GRIK4: variants seen among roughly 807,000 people sequenced by gnomAD.
GRIK4 encodes the protein glutamate receptor ionotropic, kainate 4.
GRIK4 carries 40 observed loss-of-function variants against 104.9 expected under a neutral mutation model. The ratio of observed to expected loss-of-function variants is 0.38; its 90% CI spans 0.30 to 0.50. The LOEUF (loss-of-function observed/expected upper bound fraction) is 0.50, where lower values mean the gene tolerates loss of function less well. Ranked by LOEUF, GRIK4 falls within the 20% of genes least tolerant of loss-of-function variation. The pLI, the probability that GRIK4 is intolerant of heterozygous loss-of-function variation, is 0.93. For synonymous variants in GRIK4, 485 were observed against 524.9 expected (o/e 0.92, Z 1.04); for missense variants, 1,047 against 1,308.1 (o/e 0.80, Z 3.08).
At chr11:120,934,915 C>T (rs1400387188) in intron 13 of GRIK4, among the ~76,000 whole-genome samples, 1 of 152,120 alleles carries the variant, frequency 6.6e-6, no homozygotes, top group African/African-American at 2.4e-5. Context: ...GTTTTCCATC[C>T]CCCCTGGGTT....
At chr11:120,842,883 G>A (rs1953752217) in intron 8 of GRIK4, among the ~76,000 whole-genome samples, 1 of 152,256 alleles carries the variant, frequency 6.6e-6, no homozygotes, top group South Asian at 2.1e-4. Context: ...TGCCGTAAGA[G>A]AAGAGATGAA....
intron 3 of GRIK4, among the ~76,000 whole-genome samples, chr11:120,764,016 G>A (rs754912733): frequency 7.9e-5 from 12 of 152,082 alleles, no homozygotes; most frequent in South Asian, 2.1e-4. Context: ...TTTCTGTCTC[G>A]TTGATCTGTC....
intron 1 of GRIK4, among the ~76,000 whole-genome samples, chr11:120,556,609 G>C (rs141714182): frequency 1.3e-3 from 192 of 152,114 alleles, no homozygotes; most frequent in Middle Eastern, 3.4e-3. Context: ...CGGCCCACCT[G>C]ATCTCTCTAA....
At chr11:120,831,349 C>T (rs1011573549) in intron 6 of GRIK4, among the ~76,000 whole-genome samples, 15 of 152,350 alleles carry the variant, frequency 9.8e-5, no homozygotes, top group African/African-American at 1.7e-4. Flanking sequence ...GCCCTTCACA[C>T]GTGGCCTCTT....
intron 3 of GRIK4, among the ~76,000 whole-genome samples, chr11:120,726,358 G>A (rs962632622): frequency 6.6e-6 from 1 of 152,218 alleles, no homozygotes; most frequent in Non-Finnish European, 1.5e-5. Context: ...CTGCCCTGCA[G>A]GGAGAATAGA....
chr11:120,599,099 G>A (rs2135126209), intron 1 of GRIK4, among the ~76,000 whole-genome samples: 1 of 152,342 alleles, frequency 6.6e-6, no homozygotes, highest in African/African-American at 2.4e-5. Context: ...GGTGTGGAGA[G>A]GGGGCTTACT....
intron 1 of GRIK4, among the ~76,000 whole-genome samples, chr11:120,567,449 T>C (rs1044119066): frequency 1.3e-5 from 2 of 152,098 alleles, no homozygotes; most frequent in African/African-American, 4.8e-5. Flanking sequence ...GTGAGGCATC[T>C]CCCCAGCCTT....
At chr11:120,532,038 G>A (rs951246980) in intron 1 of GRIK4, among the ~76,000 whole-genome samples, 3 of 152,198 alleles carry the variant, frequency 2.0e-5, no homozygotes, top group African/African-American at 7.2e-5. Flanking sequence ...ATGTGGGGCA[G>A]GTGGAAGGTC....
intron 6 of GRIK4, among the ~76,000 whole-genome samples, chr11:120,820,826 G>A (rs186755675): frequency 2.4e-3 from 372 of 152,314 alleles, no homozygotes; most frequent in Non-Finnish European, 4.2e-3. Context: ...AAATACAAAA[G>A]CCACCTCTCT....
At chr11:120,602,680 C>G (rs1467234016) in intron 1 of GRIK4, among the ~76,000 whole-genome samples, 2 of 152,156 alleles carry the variant, frequency 1.3e-5, no homozygotes, top group African/African-American at 4.8e-5. Context: ...CCTTAGTTTT[C>G]TGGCTGCATT....
rs552098242 is a variant in GRIK4 at position 120,940,551 on chromosome 11, A to G, written c.1590+91A>G. The G allele has an allele frequency of 2.6e-6, 2 of 756,212 alleles. No homozygotes were observed. The highest frequency in any genetic ancestry group is 2.6e-5 in the Admixed American group (1 of 39,124). 46.8% of individuals were successfully genotyped at this position (756,212 alleles called of 1,614,324 possible). A position where few individuals can be genotyped will look rare whatever the true frequency, so the allele number is the denominator to read the frequency against. Reference sequence around the variant, plus strand: ...CGGGAATAATGAATGACTCATGGAAATATTTAGATTTCAAGACTTAAATGC... The same window carrying G: ...CGGGAATAATGAATGACTCATGGAAGTATTTAGATTTCAAGACTTAAATGC... On this transcript the variant is annotated intron_variant, in intron 14 of 20. Coordinates refer to ENST00000527524, the MANE Select transcript of GRIK4 (RefSeq NM_014619.5). The surrounding 1 kb of genome is among the most constrained non-coding windows in gnomAD (Gnocchi z 4.3).
At chr11:120,764,153 A>T (rs1248988392) in intron 3 of GRIK4, among the ~76,000 whole-genome samples, 1 of 152,134 alleles carries the variant, frequency 6.6e-6, no homozygotes, top group African/African-American at 2.4e-5. Context: ...ATATATTTAG[A>T]TAGTTAGCTC....
chr11:120,546,343 G>T (rs1948085240), intron 1 of GRIK4, among the ~76,000 whole-genome samples: 1 of 152,106 alleles, frequency 6.6e-6, no homozygotes, highest in South Asian at 2.1e-4. Flanking sequence ...AATGAGATCT[G>T]GTCCGGAAAA....
intron 3 of GRIK4, among the ~76,000 whole-genome samples, chr11:120,797,550 C>T (rs1168093280): frequency 1.2e-4 from 19 of 152,214 alleles, no homozygotes. Flanking sequence ...TCTTTGATGT[C>T]CACAGCTCTA....
chr11:120,604,171 CAAAAAAAAAAAAAA>C (rs59469495), intron 1 of GRIK4, among the ~76,000 whole-genome samples: 1 of 51,780 alleles, frequency 1.9e-5, no homozygotes, highest in Non-Finnish European at 3.4e-5. Flanking sequence ...GACTCCTTCT[CAAAAAAAAAAAAAA>C]AAAAAAAAAA....
At chr11:120,772,341 G>A (rs80326995) in intron 3 of GRIK4, among the ~76,000 whole-genome samples, 9,840 of 152,166 alleles carry the variant, frequency 0.065, 391 homozygotes, top group South Asian at 0.14. Flanking sequence ...CAGTATATTA[G>A]ATGTCTAGTG....
intron 8 of GRIK4, among the ~76,000 whole-genome samples, chr11:120,845,535 T>C (rs896508162): frequency 1.3e-5 from 2 of 152,172 alleles, no homozygotes; most frequent in East Asian, 1.9e-4. Context: ...AACATTTCAG[T>C]TGGCCTCTCA....
Position 120,982,195 on chromosome 11 carries a change from T to C in GRIK4, c.2485T>C (p.Trp829Arg). 4 of 1,608,228 alleles carry C rather than the reference T, an allele frequency of 2.5e-6. No homozygotes were observed. Among genetic ancestry groups the C allele is most frequent in the Non-Finnish European group, 3.4e-6 (4 of 1,174,594 alleles). ...TTTTATGGCTATGTTGGAGTTTTTA[T>C]GGACTCTCAGACACTCAGAAGCAAC... is the stretch of plus-strand genomic sequence containing the variant. Reference protein sequence around the residue: ...AIFMAMLEFLWTLRHSEATEV... With the variant: ...AIFMAMLEFLRTLRHSEATEV... Residue 829 changes from tryptophan to arginine, a missense_variant, in exon 20 of 21, where the codon TGG (tryptophan) becomes CGG (arginine). Trp to Arg is a moderately radical substitution (Grantham distance 101). This residue lies in a region of GRIK4 where 440 missense variants were observed against 652.3 expected (regional missense o/e 0.67). Transcript: ENST00000527524.
At chr11:120,832,410 C>T (rs993532658) in intron 7 of GRIK4, among the ~76,000 whole-genome samples, 1 of 152,202 alleles carries the variant, frequency 6.6e-6, no homozygotes, top group Admixed American at 6.5e-5. Context: ...AGTTTAACAA[C>T]AGGACCATCA....
Sources: gnomAD v4.1 joint callset for allele counts (sites outside exome capture counted in the v4.1 genomes callset) on GRCh38, gnomAD v4.1.1 for gene constraint, gnomAD v4.1.1 regional missense constraint, Gnocchi (gnomAD v3.1) non-coding constraint, MANE v1.5 for transcripts, NCBI Gene and HGNC (gene_info 2026-07-23, HGNC 2026-07-21) for gene names.